Variants in CLSTN2 observed in about 807,000 individuals in gnomAD.
CLSTN2 encodes the protein calsyntenin 2, also known as calsyntenin-2.
In CLSTN2, 48 loss-of-function variants were observed where a neutral mutation model predicts 101.2. The ratio of observed to expected loss-of-function variants is 0.47; its 90% CI spans 0.38 to 0.60. The LOEUF is 0.60. Ranked by LOEUF, CLSTN2 falls within the 20% of genes least tolerant of loss-of-function variation. The probability of loss-of-function intolerance (pLI) is 0.00; values close to 1 mark genes in which losing one functional copy is unlikely to be tolerated. For missense variants in CLSTN2, 1,160 were observed against 1,238.2 expected (o/e 0.94, Z 0.95); for synonymous variants, 481 against 463.6 (o/e 1.04, Z -0.48).
At chr3:140,060,608 A>G (rs2008188050) in intron 1 of CLSTN2, among the ~76,000 whole-genome samples, 1 of 152,174 alleles carries the variant, frequency 6.6e-6, no homozygotes, top group Non-Finnish European at 1.5e-5. Context: ...ATCAGAGCCC[A>G]GTGGATACCT....
intron 1 of CLSTN2, among the ~76,000 whole-genome samples, chr3:140,153,881 G>C (rs986198070): frequency 1.3e-5 from 2 of 152,166 alleles, no homozygotes; most frequent in East Asian, 1.9e-4. Context: ...TCTACAAGAA[G>C]AGAGCTCATG....
intron 1 of CLSTN2, among the ~76,000 whole-genome samples, chr3:140,153,600 C>A (rs772390877): frequency 3.3e-5 from 5 of 152,238 alleles, no homozygotes; most frequent in Non-Finnish European, 7.3e-5. Flanking sequence ...AATCAAGGCA[C>A]AAGGGGCCGT....
intron 1 of CLSTN2, among the ~76,000 whole-genome samples, chr3:140,085,342 G>C (rs1489515095): frequency 6.6e-6 from 1 of 152,178 alleles, no homozygotes; most frequent in East Asian, 1.9e-4. Flanking sequence ...ACAGTGACAA[G>C]CTTTCTGACC....
chr3:140,544,754 T>G (rs1935554554), intron 9 of CLSTN2, among the ~76,000 whole-genome samples: 1 of 150,628 alleles, frequency 6.6e-6, no homozygotes, highest in African/African-American at 2.5e-5. Flanking sequence ...AGAGAGGGTA[T>G]GCAGGGGAGG....
intron 5 of CLSTN2, among the ~76,000 whole-genome samples, chr3:140,439,860 A>G (rs2108003388): frequency 6.6e-6 from 1 of 152,332 alleles, no homozygotes; most frequent in Non-Finnish European, 1.5e-5. Context: ...GATAAGTAAT[A>G]CGTACCATCC....
rs947646926 is a variant in CLSTN2 at position 140,490,450 on chromosome 3, G to A, written c.1344+23719G>A. Among the ~76,000 whole-genome samples the A allele has an allele frequency of 4.6e-5, 7 of 151,570 alleles. No individual in the cohort carries two copies. In the South Asian group the frequency reaches 6.3e-4, roughly 14 times the overall value. Reference sequence around the variant, plus strand: ...GGGCATCCCACGGACACTTATTCCAGAAAACTGAAGCTGGGCCACAAAGAA... The same window carrying A: ...GGGCATCCCACGGACACTTATTCCAAAAAACTGAAGCTGGGCCACAAAGAA... On this transcript the variant is annotated intron_variant, in intron 8 of 16. Coordinates refer to ENST00000458420, the MANE Select transcript of CLSTN2 (RefSeq NM_022131.3).
At chr3:140,389,556 C>T (rs1044007398) in intron 2 of CLSTN2, among the ~76,000 whole-genome samples, 3 of 152,074 alleles carry the variant, frequency 2.0e-5, no homozygotes, top group Non-Finnish European at 2.9e-5. Flanking sequence ...GAGTTGATTC[C>T]GTGTCTTTGT....
At chr3:140,299,734 A>G (rs1455721153) in intron 2 of CLSTN2, among the ~76,000 whole-genome samples, 2 of 152,216 alleles carry the variant, frequency 1.3e-5, no homozygotes, top group South Asian at 2.1e-4. Flanking sequence ...CTTAGCCTCC[A>G]TAGACCATTG....
intron 2 of CLSTN2, among the ~76,000 whole-genome samples, chr3:140,379,991 T>C (rs2087961738): frequency 6.6e-6 from 1 of 152,144 alleles, no homozygotes; most frequent in Non-Finnish European, 1.5e-5. Flanking sequence ...AGCATAAAAA[T>C]TGACAATGAA....
intron 2 of CLSTN2, among the ~76,000 whole-genome samples, chr3:140,221,385 A>G (rs1190882720): frequency 2.0e-5 from 3 of 152,214 alleles, no homozygotes; most frequent in Non-Finnish European, 2.9e-5. Context: ...ACATAATATA[A>G]ATTACACACA....
intron 1 of CLSTN2, among the ~76,000 whole-genome samples, chr3:140,102,985 A>G (rs2008993986): frequency 6.6e-6 from 1 of 152,182 alleles, no homozygotes; most frequent in Non-Finnish European, 1.5e-5. Context: ...ATTAATATCT[A>G]TTTTGAGAAT....
At chr3:140,171,798 A>AT (rs1559797379) in intron 1 of CLSTN2, among the ~76,000 whole-genome samples, 4 of 98,642 alleles carry the variant, frequency 4.1e-5, no homozygotes, top group Non-Finnish European at 6.9e-5. Flanking sequence ...TATAATATAT[A>AT]ATATGTATTA....
At chr3:139,973,584 C>G (rs1415825967) in intron 1 of CLSTN2, among the ~76,000 whole-genome samples, 1 of 151,944 alleles carries the variant, frequency 6.6e-6, no homozygotes, top group African/African-American at 2.4e-5. Flanking sequence ...TCTGACCCTG[C>G]CTGGCTGGGA....
chr3:140,271,851 A>G (rs1676392975), intron 2 of CLSTN2, among the ~76,000 whole-genome samples: 2 of 152,244 alleles, frequency 1.3e-5, no homozygotes, highest in Non-Finnish European at 1.5e-5. Context: ...GTGCTTGTAT[A>G]ATGCAGACAC....
intron 1 of CLSTN2, among the ~76,000 whole-genome samples, chr3:140,102,267 G>A (rs886093700): frequency 6.6e-6 from 1 of 152,226 alleles, no homozygotes; most frequent in Non-Finnish European, 1.5e-5. Context: ...TGTAGATGGA[G>A]TTGACATCCC....
chr3:140,419,722 C>T (rs1461890533), intron 4 of CLSTN2, among the ~76,000 whole-genome samples: 1 of 61,134 alleles, frequency 1.6e-5, no homozygotes. Context: ...TGTATATATA[C>T]GTATATACAT....
chr3:139,972,219 G>A (rs948856099), intron 1 of CLSTN2, among the ~76,000 whole-genome samples: 2 of 151,886 alleles, frequency 1.3e-5, no homozygotes, highest in African/African-American at 2.4e-5. Context: ...AGCCAAGATC[G>A]CACCACTGCA....
chr3:140,211,398 T>TCACA (rs59994883), intron 2 of CLSTN2, among the ~76,000 whole-genome samples: 32,748 of 113,406 alleles, frequency 0.29, 5,091 homozygotes, highest in Middle Eastern at 0.38. Flanking sequence ...GCTTGGTAAT[T>TCACA]CACACACACA....
At chr3:139,965,982 G>C (rs1339341053) in intron 1 of CLSTN2, among the ~76,000 whole-genome samples, 1 of 152,222 alleles carries the variant, frequency 6.6e-6, no homozygotes, top group East Asian at 1.9e-4. Flanking sequence ...GAGTGTGCTA[G>C]CATTTTGACG....
Sources: gnomAD v4.1 joint callset for allele counts (sites outside exome capture counted in the v4.1 genomes callset) on GRCh38, gnomAD v4.1.1 for gene constraint, MANE v1.5 for transcripts, NCBI Gene and HGNC (gene_info 2026-07-23, HGNC 2026-07-21) for gene names.